The following DMD variants were observed in gnomAD, a reference collection of about 807,000 sequenced individuals.
DMD encodes the protein dystrophin.
DMD carries 63 observed loss-of-function variants against 330.1 expected under a neutral mutation model. The observed-to-expected ratio is 0.19, with a 90% CI of 0.16 to 0.24. The LOEUF is 0.24. Among genes scored for constraint, DMD ranks in the 10% least tolerant of loss-of-function variants. The pLI is 1.00. For synonymous variants in DMD, 1,223 were observed against 959.8 expected (o/e 1.27, Z -5.07); for missense variants, 3,344 against 2,684.1 (o/e 1.25, Z -5.43).
At chrX:33,307,355 AAAAG>A (rs2148944700) in intron 1 of DMD, among the ~76,000 whole-genome samples, 1 of 112,340 alleles carries the variant, frequency 8.9e-6, no homozygotes, top group East Asian at 2.8e-4. Flanking sequence ...ATAAATAAAT[AAAAG>A]AGTTTGACAT....
At chrX:32,135,237 G>C (rs1374686664) in intron 44 of DMD, among the ~76,000 whole-genome samples, 3 of 112,314 alleles carry the variant, frequency 2.7e-5, no homozygotes, top group African/African-American at 9.7e-5. Context: ...GGTTACAGCA[G>C]TAATAAAAAA....
intron 9 of DMD, among the ~76,000 whole-genome samples, chrX:32,664,952 A>G (rs754214051): frequency 8.9e-6 from 1 of 111,930 alleles, no homozygotes; most frequent in Non-Finnish European, 1.9e-5. Context: ...ATCAAAGCAG[A>G]TGCTAGAAAA....
chrX:32,424,174 G>A (rs773467997), intron 29 of DMD, among the ~76,000 whole-genome samples: 335 of 109,814 alleles, frequency 3.1e-3, no homozygotes, highest in African/African-American at 0.011. Flanking sequence ...TGAACACAGA[G>A]GTCTGCCATA....
chrX:31,341,870 T>TGCGC (rs1569529156), intron 61 of DMD, among the ~76,000 whole-genome samples: 1 of 79,059 alleles, frequency 1.3e-5, no homozygotes, highest in African/African-American at 5.1e-5. Flanking sequence ...TGATCTGGCG[T>TGCGC]GCGCGCGTGC....
intron 60 of DMD, among the ~76,000 whole-genome samples, chrX:31,366,626 T>C (rs1430825491): frequency 1.8e-5 from 2 of 108,275 alleles, no homozygotes; most frequent in Non-Finnish European, 3.8e-5. Context: ...TTTTTAAGTG[T>C]CTTAAAATAT....
intron 68 of DMD, among the ~76,000 whole-genome samples, chrX:31,182,113 T>C (rs1185195580): frequency 8.9e-6 from 1 of 112,629 alleles, no homozygotes; most frequent in Non-Finnish European, 1.9e-5. Flanking sequence ...TAAGGACTGG[T>C]TGTTTTTTAG....
At position 31,949,271 on chromosome X, in the gene DMD, T is replaced by C. The variant is rs759440922; in HGVS notation, c.6615-17044A>G. 3.6e-5 allele frequency among the ~76,000 whole-genome samples: 4 copies of C among 111,420 alleles called. No homozygotes were observed. In the East Asian group the frequency reaches 1.1e-3, roughly 31 times the overall value. Reference sequence around the variant, plus strand: ...GAATCACTACCTTATCAGTATTGAGTCTTCCAATTCATGAACATGGAATAT... The same window carrying C: ...GAATCACTACCTTATCAGTATTGAGCCTTCCAATTCATGAACATGGAATAT... On this transcript the variant is annotated intron_variant, in intron 45 of 78. Coordinates refer to ENST00000357033, the MANE Select transcript of DMD (RefSeq NM_004006.3).
At chrX:31,697,689 C>T (rs2083533128) in intron 52 of DMD, among the ~76,000 whole-genome samples, 1 of 112,244 alleles carries the variant, frequency 8.9e-6, no homozygotes, top group Non-Finnish European at 1.9e-5. Context: ...CAACATCTCT[C>T]TTAGGGAGGA....
rs191678320 is a variant in DMD, at chrX:33,143,304, A to G, written c.31+67978T>C. ...TGTGATGATTATTATATTATTATCAATATTGGTTATCTCAGAAACTGTGCT... is the reference window on the plus strand; with the variant it reads ...TGTGATGATTATTATATTATTATCAGTATTGGTTATCTCAGAAACTGTGCT... On this transcript the variant is annotated intron_variant, in intron 1 of 78. Transcript: ENST00000357033. Among the ~76,000 whole-genome samples, 4 of 111,118 alleles carry G rather than the reference A, an allele frequency of 3.6e-5. No individual in the cohort carries two copies. In the East Asian group the frequency reaches 1.1e-3, roughly 31 times the overall value.
intron 33 of DMD, among the ~76,000 whole-genome samples, chrX:32,382,544 A>G (rs1415861907): frequency 9.0e-6 from 1 of 110,710 alleles, no homozygotes; most frequent in African/African-American, 3.3e-5. Flanking sequence ...TCTTTAGGAG[A>G]GGTGTGCGTA....
At chrX:33,036,769 ATGTC>A (rs1480757557) in intron 1 of DMD, among the ~76,000 whole-genome samples, 1 of 107,799 alleles carries the variant, frequency 9.3e-6, no homozygotes, top group Non-Finnish European at 1.9e-5. Flanking sequence ...ATTCACATAT[ATGTC>A]TGTGTATGTC....
chrX:32,498,139 CT>C (rs750472159), intron 19 of DMD, among the ~76,000 whole-genome samples: 3 of 110,881 alleles, frequency 2.7e-5, no homozygotes, highest in Non-Finnish European at 5.7e-5. Context: ...CTCACTTGCC[CT>C]CATTAAGTTA....
chrX:33,179,183 G>A (rs183765552), intron 1 of DMD, among the ~76,000 whole-genome samples: 21 of 111,763 alleles, frequency 1.9e-4, no homozygotes, highest in Non-Finnish European at 3.4e-4. Context: ...ATGCAGATTT[G>A]AAATCAGATG....
intron 11 of DMD, chrX:32,641,408 GTATATATA>G (rs72324944): frequency 0.015 from 1,404 of 94,662 alleles, 26 homozygotes; most frequent in African/African-American, 0.055. Context: ...TATTTTATAC[GTATATATA>G]TATATATATA....
chrX:31,453,862 G>A (rs904273966), intron 59 of DMD, among the ~76,000 whole-genome samples: 1 of 101,171 alleles, frequency 9.9e-6, no homozygotes, highest in Non-Finnish European at 2.0e-5. Context: ...GTGTTTCACA[G>A]AGGCTAAATA....
intron 2 of DMD, among the ~76,000 whole-genome samples, chrX:32,914,656 C>A (rs1211215365): frequency 8.9e-6 from 1 of 112,221 alleles, no homozygotes; most frequent in Non-Finnish European, 1.9e-5. Context: ...CTTCGAGCAG[C>A]CCAAATGCCC....
chrX:31,746,336 C>A lies in DMD; in HGVS notation c.7543-16588G>T, dbSNP rs1475635361. On this transcript the variant is annotated intron_variant, in intron 51 of 78. Coordinates refer to ENST00000357033, the MANE Select transcript of DMD (RefSeq NM_004006.3). Reference sequence around the variant, plus strand: ...AATCAGAATAATTCAAGCCCCCTAACCCTCTTCTGCTGTCTTCACATGGTA... The same window carrying A: ...AATCAGAATAATTCAAGCCCCCTAAACCTCTTCTGCTGTCTTCACATGGTA... Among the ~76,000 whole-genome samples, 5 of 111,416 alleles carry A rather than the reference C, an allele frequency of 4.5e-5. No individual in the cohort carries two copies. In the Admixed American group the frequency reaches 4.8e-4, roughly 11 times the overall value.
At chrX:33,018,351 C>A (rs2093844766) in intron 2 of DMD, among the ~76,000 whole-genome samples, 1 of 111,263 alleles carries the variant, frequency 9.0e-6, no homozygotes, top group African/African-American at 3.3e-5. Context: ...AATAAATGTG[C>A]TCATATATGT....
chrX:33,123,441 G>A lies in DMD; in HGVS notation c.31+87841C>T, dbSNP rs1177302067. 4.5e-5 allele frequency among the ~76,000 whole-genome samples: 5 copies of A among 110,880 alleles called. No individual in the cohort carries two copies. The East Asian group carries it at 1.4e-3, about 32-fold the overall frequency. ...CTTTCTTTTGTTTTTTTTTGAGACA[G>A]AATCTACCTCTGTCGCCCAGGCTGG... On this transcript the variant is annotated intron_variant, in intron 1 of 78. Transcript: ENST00000357033.
Sources: gnomAD v4.1 joint callset for allele counts (sites outside exome capture counted in the v4.1 genomes callset) on GRCh38, gnomAD v4.1.1 for gene constraint, MANE v1.5 for transcripts, NCBI Gene and HGNC (gene_info 2026-07-23, HGNC 2026-07-21) for gene names.